Variants in SLC30A7 observed in about 807,000 individuals in gnomAD.
The protein encoded by SLC30A7 is zinc transporter 7.
A neutral mutation model predicts 46.0 loss-of-function variants in SLC30A7; 35 were observed. The observed-to-expected ratio is 0.76, with a 90% CI of 0.58 to 1.01. The LOEUF (loss-of-function observed/expected upper bound fraction) is 1.01. SLC30A7 is among the 50% of genes least tolerant of loss of function. The pLI is 0.00. For missense variants in SLC30A7, 464 were observed against 451.1 expected (o/e 1.03, Z -0.26); for synonymous variants, 147 against 157.8 (o/e 0.93, Z 0.51).
intron 10 of SLC30A7, among the ~76,000 whole-genome samples, chr1:100,969,869 G>T (rs1656060154): frequency 6.6e-6 from 1 of 151,992 alleles, no homozygotes; most frequent in South Asian, 2.1e-4. Flanking sequence ...CTTTAGTTCT[G>T]ACTTATGCAG....
chr1:100,958,072 C>T (rs1655324124), intron 8 of SLC30A7, among the ~76,000 whole-genome samples: 1 of 152,136 alleles, frequency 6.6e-6, no homozygotes, highest in South Asian at 2.1e-4. Context: ...TCCTTAAGTC[C>T]ATTTGCAGTT....
At chr1:100,913,552 A>T (rs1652269487) in intron 5 of SLC30A7, 111 bp from the exon 6 acceptor site, 1 of 754,708 alleles carries the variant, frequency 1.3e-6, no homozygotes, top group Admixed American at 2.5e-5. Context: ...GTAAATGTTT[A>T]TTGAATTGAT....
Position 100,912,123 on chromosome 1 carries a change from C to A in SLC30A7, c.396C>A (p.Ala132=). 1 of 1,613,410 alleles carries A rather than the reference C, an allele frequency of 6.2e-7. No homozygotes were observed. The highest frequency in any genetic ancestry group is 8.5e-7 in the Non-Finnish European group (1 of 1,179,532). Residue 132 remains alanine, a synonymous_variant, in exon 5 of 11, where the codon GCC becomes GCA. Transcript: ENST00000357650. ...TATGTGTTTTCTAGAGAGCATTAGC[C>A]CCTCCAGATGTCCACCATGAGAGAC... is the stretch of plus-strand genomic sequence containing the variant. The part of the protein sequence containing the change: ...IFSEGVERAL[A]PPDVHHERLL...
chr1:100,944,353 A>G (rs887563538), intron 8 of SLC30A7, among the ~76,000 whole-genome samples: 15 of 152,210 alleles, frequency 9.9e-5, no homozygotes, highest in African/African-American at 3.6e-4. Context: ...ATATGTTTTT[A>G]AAATATTTTT....
intron 8 of SLC30A7, among the ~76,000 whole-genome samples, chr1:100,961,255 C>G (rs1356843596): frequency 6.6e-6 from 1 of 152,136 alleles, no homozygotes; most frequent in Non-Finnish European, 1.5e-5. Flanking sequence ...GCCACCGCGC[C>G]CGGCCTGTTT....
At chr1:100,908,553 A>G (rs1387206228) in intron 3 of SLC30A7, among the ~76,000 whole-genome samples, 1 of 152,200 alleles carries the variant, frequency 6.6e-6, no homozygotes, top group Non-Finnish European at 1.5e-5. Flanking sequence ...TGAGCCAAAA[A>G]ATACTCATTG....
At chr1:100,913,452 C>T (rs1364253924) in intron 5 of SLC30A7, among the ~76,000 whole-genome samples, 1 of 152,130 alleles carries the variant, frequency 6.6e-6, no homozygotes, top group African/African-American at 2.4e-5. Flanking sequence ...CCAGTAAGGT[C>T]TATCACTTTC....
At chr1:100,908,881 A>G (rs943430924) in intron 3 of SLC30A7, among the ~76,000 whole-genome samples, 11 of 152,162 alleles carry the variant, frequency 7.2e-5, no homozygotes, top group Admixed American at 2.0e-4. Context: ...TAGATTTTCT[A>G]TTGTTTCCAA....
intron 8 of SLC30A7, among the ~76,000 whole-genome samples, chr1:100,947,152 G>A (rs1654685583): frequency 6.6e-6 from 1 of 152,136 alleles, no homozygotes. Context: ...TGATATTAGG[G>A]TATTGATTTT....
chr1:100,949,897 C>A (rs1021591168), intron 8 of SLC30A7, among the ~76,000 whole-genome samples: 1 of 152,202 alleles, frequency 6.6e-6, no homozygotes, highest in Non-Finnish European at 1.5e-5. Flanking sequence ...GGAGTGTCCC[C>A]TTTTCCCAGG....
chr1:100,905,873 G>T (rs1421540443), intron 2 of SLC30A7, among the ~76,000 whole-genome samples: 3 of 151,804 alleles, frequency 2.0e-5, no homozygotes, highest in Non-Finnish European at 4.4e-5. Flanking sequence ...TCCAACATTG[G>T]GGCCATTTCT....
chr1:100,987,726 C>G, the SLC30A7 span, among the ~76,000 whole-genome samples: 1 of 150,678 alleles, frequency 6.6e-6, no homozygotes, highest in African/African-American at 2.4e-5. Flanking sequence ...CTCTGGATAC[C>G]CTATAGCATT....
At chr1:100,966,064 C>T (rs1655841922) in intron 10 of SLC30A7, 146 bp downstream of exon 10, 4 of 673,066 alleles carry the variant, frequency 5.9e-6, no homozygotes, top group Non-Finnish European at 9.7e-6. Flanking sequence ...GACCCCGTCT[C>T]TACAAAACAT....
downstream of SLC30A7, among the ~76,000 whole-genome samples, chr1:100,986,452 T>C (rs1657274867): frequency 6.6e-6 from 1 of 150,574 alleles, no homozygotes; most frequent in Admixed American, 6.6e-5. Context: ...ATCAGAATAG[T>C]TCAAAATACT....
rs186711676 is a variant in SLC30A7, at chr1:100,900,647, A to C, written c.182+3976A>C. ...TTTAAAGTAAGGGACTATATAATGG[A>C]ATGTAGTGGAGTTCTGGGTTATTTC... On this transcript the variant is annotated intron_variant, in intron 2 of 10. Coordinates refer to ENST00000357650, the MANE Select transcript of SLC30A7 (RefSeq NM_133496.5). Among the ~76,000 whole-genome samples the C allele has an allele frequency of 3.1e-3, 476 of 152,224 alleles. 1 individual carries two copies. The highest frequency in any genetic ancestry group is 0.011 in the African/African-American group (457 of 41,538).
chr1:100,933,201 C>T (rs2101047855), intron 8 of SLC30A7, among the ~76,000 whole-genome samples: 1 of 152,088 alleles, frequency 6.6e-6, no homozygotes, highest in African/African-American at 2.4e-5. Context: ...GTCTTGATCT[C>T]CTGACCTCGT....
At chr1:100,938,660 G>A (rs1034292887) in intron 8 of SLC30A7, among the ~76,000 whole-genome samples, 1 of 152,202 alleles carries the variant, frequency 6.6e-6, no homozygotes, top group Non-Finnish European at 1.5e-5. Flanking sequence ...CTGAGGCTCA[G>A]GACCATCTTG....
At chr1:100,903,269 A>G (rs1455931456) in intron 2 of SLC30A7, among the ~76,000 whole-genome samples, 1 of 152,094 alleles carries the variant, frequency 6.6e-6, no homozygotes, top group African/African-American at 2.4e-5. Flanking sequence ...TGCCATATTA[A>G]TCTTTTCTTG....
chr1:100,966,579 C>T (rs1056946232), intron 10 of SLC30A7, among the ~76,000 whole-genome samples: 9 of 151,866 alleles, frequency 5.9e-5, no homozygotes, highest in Non-Finnish European at 1.2e-4. Flanking sequence ...GAGCAAGACT[C>T]GGTCTCAAAG....
Sources: gnomAD v4.1 joint callset for allele counts (sites outside exome capture counted in the v4.1 genomes callset) on GRCh38, gnomAD v4.1.1 for gene constraint, MANE v1.5 for transcripts, NCBI Gene and HGNC (gene_info 2026-07-23, HGNC 2026-07-21) for gene names.